Variants in PTPA observed in about 807,000 individuals in gnomAD.
PTPA encodes serine/threonine-protein phosphatase 2A activator.
A neutral mutation model predicts 43.6 loss-of-function variants in PTPA; 13 were observed. The observed-to-expected ratio is 0.30, with a 90% CI of 0.19 to 0.47. The LOEUF is 0.47. Among genes scored for constraint, PTPA ranks in the 20% least tolerant of loss-of-function variants. The pLI is 0.99. For missense variants in PTPA, 329 were observed against 411.9 expected (o/e 0.80, Z 1.74); for synonymous variants, 172 against 158.2 (o/e 1.09, Z -0.66).
At chr9:129,130,292 C>T (rs1849869919) in intron 4 of PTPA, among the ~76,000 whole-genome samples, 1 of 152,090 alleles carries the variant, frequency 6.6e-6, no homozygotes, top group East Asian at 1.9e-4. Flanking sequence ...AATTTGGGTC[C>T]TAATTGCTCT....
At chr9:129,140,915 G>T (rs1850760840) in intron 8 of PTPA, among the ~76,000 whole-genome samples, 3 of 152,160 alleles carry the variant, frequency 2.0e-5, no homozygotes, top group Admixed American at 2.0e-4. Flanking sequence ...CCTCCTGGAG[G>T]AGAGAGCCTG....
intron 6 of PTPA, among the ~76,000 whole-genome samples, chr9:129,135,854 T>A (rs1192596896): frequency 6.6e-6 from 1 of 152,248 alleles, no homozygotes; most frequent in African/African-American, 2.4e-5. Context: ...TGTGTTAGCT[T>A]TCAGACAGGC....
intron 8 of PTPA, among the ~76,000 whole-genome samples, chr9:129,140,355 C>CTG (rs1215210546): frequency 1.3e-5 from 2 of 152,204 alleles, no homozygotes; most frequent in African/African-American, 2.4e-5. Context: ...AGGCAAAGGA[C>CTG]TGTAACCTCC....
intron 5 of PTPA, 90 bp from the exon 6 acceptor site, chr9:129,134,705 C>A: frequency 2.9e-6 from 3 of 1,018,518 alleles, no homozygotes; most frequent in South Asian, 1.5e-5. Flanking sequence ...CTCAGAGGGG[C>A]ACTTATCAAT....
At chr9:129,140,715 C>G (rs1270341425) in intron 8 of PTPA, among the ~76,000 whole-genome samples, 1 of 150,822 alleles carries the variant, frequency 6.6e-6, no homozygotes, top group Admixed American at 6.7e-5. Context: ...AAACTGGTTA[C>G]ACAGCTCCAT....
rs746489 is a variant in PTPA at position 129,147,814 on chromosome 9, G to T, written c.*350G>T. On this transcript the variant is annotated 3_prime_UTR_variant, in exon 10 of 10. Transcript: ENST00000393370. Reference sequence around the variant, plus strand: ...AGAGCAGGGGCTGTTCTGCAGCACCGCAGGGAAGGGAGGAGAGATACCTGC... The same window carrying T: ...AGAGCAGGGGCTGTTCTGCAGCACCTCAGGGAAGGGAGGAGAGATACCTGC... 0.64 allele frequency: 174,124 copies of T among 274,174 alleles called. 58,255 individuals are homozygous for T. The highest frequency in any genetic ancestry group is 0.71 in the Non-Finnish European group (98,927 of 140,302). The allele number at this position is 274,174 out of a possible 1,614,324, so 17.0% of individuals were successfully genotyped here.
rs547764212 is a variant in PTPA at position 129,143,351 on chromosome 9, A to G, written c.894+799A>G. 2.7e-5 allele frequency: 19 copies of G among 703,088 alleles called. No individual in the cohort carries two copies. In the African/African-American group the frequency reaches 2.8e-4, roughly 10 times the overall value. 43.6% of individuals were successfully genotyped at this position (703,088 alleles called of 1,614,324 possible). A position where few individuals can be genotyped will look rare whatever the true frequency, so the allele number is the denominator to read the frequency against. ...TCCACACCTGGAGTGATGGGTCCTTAAAGTCCCTTCTTTCTGTTCTCAGGC... is the reference window on the plus strand; with the variant it reads ...TCCACACCTGGAGTGATGGGTCCTTGAAGTCCCTTCTTTCTGTTCTCAGGC... On this transcript the variant is annotated intron_variant, in intron 9 of 9. Transcript: ENST00000393370.
At chr9:129,127,841 A>G in intron 3 of PTPA, 2 of 551,420 alleles carry the variant, frequency 3.6e-6, no homozygotes, top group Non-Finnish European at 6.1e-6. Context: ...TGAAATAGGT[A>G]GTGAAACAGG....
chr9:129,124,394 A>T (rs528211747), intron 3 of PTPA, among the ~76,000 whole-genome samples: 1 of 152,046 alleles, frequency 6.6e-6, no homozygotes, highest in African/African-American at 2.4e-5. Flanking sequence ...GTCTTGGTAA[A>T]CATTGCTCCT....
intron 5 of PTPA, among the ~76,000 whole-genome samples, chr9:129,132,642 C>G (rs1850056523): frequency 7.0e-6 from 1 of 143,024 alleles, no homozygotes; most frequent in Admixed American, 7.2e-5. Context: ...ACCACCATAC[C>G]TGGCTAATTT....
chr9:129,133,558 G>A (rs1440325835), intron 5 of PTPA, among the ~76,000 whole-genome samples: 2 of 152,216 alleles, frequency 1.3e-5, no homozygotes, highest in African/African-American at 4.8e-5. Flanking sequence ...TAGGTTTTGT[G>A]TGACATTGTG....
At chr9:129,128,332 T>C (rs1358326633) in intron 3 of PTPA, among the ~76,000 whole-genome samples, 1 of 152,094 alleles carries the variant, frequency 6.6e-6, no homozygotes, top group Non-Finnish European at 1.5e-5. Context: ...GGTCGGGAGT[T>C]TGAGACCAGC....
At chr9:129,121,564 A>G (rs938133957) in intron 2 of PTPA, among the ~76,000 whole-genome samples, 8 of 152,318 alleles carry the variant, frequency 5.3e-5, no homozygotes, top group Admixed American at 2.0e-4. Context: ...GGGCATCTCA[A>G]TGTCAGCACT....
intron 9 of PTPA, among the ~76,000 whole-genome samples, chr9:129,144,441 T>G (rs1410139742): frequency 1.3e-5 from 2 of 152,024 alleles, no homozygotes; most frequent in Non-Finnish European, 2.9e-5. Context: ...TCCCTGACTT[T>G]AAGATCACCA....
At chr9:129,144,225 A>G (rs1005700884) in intron 9 of PTPA, among the ~76,000 whole-genome samples, 2 of 151,806 alleles carry the variant, frequency 1.3e-5, no homozygotes, top group Non-Finnish European at 2.9e-5. Context: ...GTGTGGCAGG[A>G]ACACAGGGAC....
intron 3 of PTPA, among the ~76,000 whole-genome samples, chr9:129,126,340 C>T (rs1220296697): frequency 2.0e-5 from 3 of 151,976 alleles, no homozygotes. Flanking sequence ...GCCACCATGT[C>T]CATCTGATTT....
At chr9:129,120,733 G>A (rs967896916) in intron 2 of PTPA, 123 bp downstream of exon 2, 9 of 781,272 alleles carry the variant, frequency 1.2e-5, no homozygotes, top group Non-Finnish European at 1.7e-5. Flanking sequence ...AAGCTAGGGA[G>A]AAAGGTGACA....
At chr9:129,133,990 C>T (rs1016961507) in intron 5 of PTPA, among the ~76,000 whole-genome samples, 4 of 152,236 alleles carry the variant, frequency 2.6e-5, no homozygotes, top group Admixed American at 6.5e-5. Flanking sequence ...TTAGGGGAAA[C>T]CTTGAACCCT....
intron 1 of PTPA, 194 bp downstream of exon 1, chr9:129,111,825 G>A (rs576887042): frequency 8.2e-7 from 1 of 1,224,130 alleles, no homozygotes; most frequent in South Asian, 4.1e-5. Flanking sequence ...GAGGGAACCA[G>A]GGGCTGCAAA....
Sources: allele counts gnomAD v4.1 joint callset (sites outside exome capture counted in the v4.1 genomes callset), GRCh38; gene constraint gnomAD v4.1.1; transcripts MANE v1.5; gene names NCBI Gene and HGNC (gene_info 2026-07-23, HGNC 2026-07-21).